The following TREML1 variants were observed in gnomAD, a reference collection of about 807,000 sequenced individuals.
TREML1 encodes trem-like transcript 1 protein.
TREML1 carries 27 observed loss-of-function variants against 22.8 expected under a neutral mutation model. The ratio of observed to expected loss-of-function variants is 1.19; its 90% CI spans 0.87 to 1.64. TREML1 has a LOEUF of 1.64. Among genes scored for constraint, TREML1 ranks in the 40% most tolerant of loss-of-function variants. The probability of loss-of-function intolerance (pLI) is 0.00; values close to 1 mark genes in which losing one functional copy is unlikely to be tolerated. For missense variants in TREML1, 356 were observed against 382.0 expected, an observed-to-expected ratio of 0.93 and a Z score of 0.57; for synonymous variants, 153 against 161.9, an observed-to-expected ratio of 0.94 and a Z score of 0.42.
intron 2 of TREML1, among the ~76,000 whole-genome samples, chr6:41,152,286 C>T (rs934807483): frequency 2.0e-5 from 3 of 152,168 alleles, no homozygotes; most frequent in Non-Finnish European, 4.4e-5. Flanking sequence ...CTGGATGCTA[C>T]GCGCCACCTG....
At chr6:41,154,122 C>T (rs1214637340) in intron 1 of TREML1, 32 bp from the exon 2 acceptor site, 1 of 1,599,770 alleles carries the variant, frequency 6.3e-7, no homozygotes, top group East Asian at 2.2e-5. Flanking sequence ...GAATTTTGGG[C>T]AGGAGCTGGG....
chr6:41,151,717 G>A (rs1765256874), intron 2 of TREML1: 1 of 298,882 alleles, frequency 3.3e-6, no homozygotes, highest in Non-Finnish European at 6.5e-6. Flanking sequence ...AAGCTGTTAA[G>A]TCTGTGTAAA....
intron 4 of TREML1, 60 bp downstream of exon 4, chr6:41,150,758 TG>T: frequency 6.7e-7 from 1 of 1,499,086 alleles, no homozygotes; most frequent in Non-Finnish European, 9.3e-7. Context: ...TGGCCTCATC[TG>T]CACAACTGGT....
upstream of TREML1, among the ~76,000 whole-genome samples, chr6:41,155,277 G>A (rs1164523535): frequency 6.6e-6 from 1 of 152,066 alleles, no homozygotes; most frequent in African/African-American, 2.4e-5. Flanking sequence ...TTTTGCTGAA[G>A]GGTGATTGAA....
upstream of TREML1, among the ~76,000 whole-genome samples, chr6:41,155,214 A>C (rs540484298): frequency 5.9e-5 from 9 of 152,246 alleles, no homozygotes; most frequent in East Asian, 1.5e-3. Context: ...CTTCACAAAT[A>C]TTTTCACATT....
chr6:41,150,689 G>C, intron 4 of TREML1, 130 bp downstream of exon 4: 2 of 773,512 alleles, frequency 2.6e-6, no homozygotes, highest in Non-Finnish European at 4.4e-6. Flanking sequence ...CTAGGATATG[G>C]GGGCCTTGAG....
rs1476457931 is a variant in TREML1 at position 41,153,916 on chromosome 6, G to T, written c.218C>A (p.Ala73Glu). 9.3e-6 allele frequency: 15 copies of T among 1,614,052 alleles called. No homozygotes were observed. Among genetic ancestry groups the T allele is most frequent in the Non-Finnish European group, 1.1e-5 (13 of 1,180,048 alleles). Residue 73 changes from alanine (A) to glutamate (E), a missense_variant, in exon 2 of 6, where the codon GCG becomes GAG. Physicochemically the swap from Ala to Glu is moderately radical, Grantham distance 107. Coordinates refer to ENST00000426005, the MANE Select transcript of TREML1 (RefSeq NM_178174.4). ...GTCTGTGAGAAACGTACGCCTGCCC[G>T]CTGGAGCTCTGCGATCCACAGCTGA... ...VSSAVDRRAP[A>E]GRRTFLTDLG...
At chr6:41,153,561 G>C (rs767348090) in intron 2 of TREML1, among the ~76,000 whole-genome samples, 197 bp downstream of exon 2, 3 of 152,094 alleles carry the variant, frequency 2.0e-5, no homozygotes, top group African/African-American at 4.8e-5. Flanking sequence ...AAGGGGGAAA[G>C]GGATGGTTTT....
At chr6:41,150,990 A>G in intron 3 of TREML1, 83 bp from the exon 4 acceptor site, 2 of 1,197,586 alleles carry the variant, frequency 1.7e-6, no homozygotes, top group Non-Finnish European at 2.5e-6. Context: ...CAGTGACAGA[A>G]GGGTTACATT....
chr6:41,150,463 C>A, intron 4 of TREML1, 150 bp from the exon 5 acceptor site: 1 of 729,262 alleles, frequency 1.4e-6, no homozygotes, highest in Non-Finnish European at 2.2e-6. Context: ...CCCCTTCCAT[C>A]TCCCCAGCCT....
intron 4 of TREML1, 54 bp from the exon 5 acceptor site, chr6:41,150,367 C>CGGAA: frequency 6.4e-7 from 1 of 1,566,844 alleles, no homozygotes; most frequent in Non-Finnish European, 8.7e-7. Flanking sequence ...GCTCAGAGCC[C>CGGAA]TTCCCTCACT....
intron 5 of TREML1, 99 bp downstream of exon 5, chr6:41,150,162 C>T (rs1765207243): frequency 1.5e-6 from 2 of 1,374,152 alleles, no homozygotes; most frequent in South Asian, 2.5e-5. Flanking sequence ...CCAACTAGGT[C>T]CCAGTCCTTT....
Position 41,149,403 on chromosome 6 carries a change from G to A in TREML1, c.*201C>T. ...TGTAATGGTAGAAGAACCAGTGGGG[G>A]AGTTGGGTGCAGGGAGGTCTTCCCC... On this transcript the variant is annotated 3_prime_UTR_variant, in exon 6 of 6. Transcript: ENST00000426005. 1.8e-6 allele frequency: 1 copy of A among 565,594 alleles called. No homozygotes were observed. The highest frequency in any genetic ancestry group is 3.1e-6 in the Non-Finnish European group (1 of 320,850). 35.0% of individuals were successfully genotyped at this position (565,594 alleles called of 1,614,324 possible). A position where few individuals can be genotyped will look rare whatever the true frequency, so the allele number is the denominator to read the frequency against.
chr6:41,153,855 G>A lies in TREML1; in HGVS notation c.279C>T (p.Thr93=), dbSNP rs140884277. The A allele has an allele frequency of 8.7e-5, 140 of 1,614,188 alleles. No homozygotes were observed. In the African/African-American group the frequency reaches 1.5e-3, roughly 17 times the overall value. The stretch of plus-strand genomic sequence containing the variant: ...ACTCGCCAGCATCCTCTTCCTGCAG[G>A]GTAACCATTTCCACCTGCAGCAGGC... ...GGGLLQVEMV[T]LQEEDAGEYG... Residue 93 remains threonine, a synonymous_variant, in exon 2 of 6, where the codon ACC becomes ACT. Transcript: ENST00000426005.
At chr6:41,150,363 A>C (rs749642502) in intron 4 of TREML1, 50 bp from the exon 5 acceptor site, 4 of 1,588,678 alleles carry the variant, frequency 2.5e-6, no homozygotes, top group Non-Finnish European at 2.6e-6. Flanking sequence ...GCTGGCTCAG[A>C]GCCCTTCCCT....
upstream of TREML1, among the ~76,000 whole-genome samples, chr6:41,155,375 TTCTCTCTC>T (rs3049085): frequency 4.4e-5 from 6 of 136,726 alleles, no homozygotes; most frequent in Non-Finnish European, 6.1e-5. Flanking sequence ...GAGTAAACGT[TTCTCTCTC>T]TCTCTCTCTC....
At chr6:41,150,762 C>T in intron 4 of TREML1, 57 bp downstream of exon 4, 2 of 1,523,688 alleles carry the variant, frequency 1.3e-6, no homozygotes, top group Non-Finnish European at 1.8e-6. Flanking sequence ...CTCATCTGCA[C>T]AACTGGTTGA....
chr6:41,151,619 A>G (rs1000509886), intron 2 of TREML1: 2 of 528,016 alleles, frequency 3.8e-6, no homozygotes, highest in African/African-American at 3.8e-5. Flanking sequence ...GACTACACCC[A>G]CTTTTCCCTC....
chr6:41,151,171 AG>A, intron 3 of TREML1, 110 bp downstream of exon 3: 1 of 977,802 alleles, frequency 1.0e-6, no homozygotes, highest in East Asian at 2.4e-5. Context: ...AGTTCCCCAG[AG>A]GTGGGAAGAA....
Sources: allele counts gnomAD v4.1 joint callset (sites outside exome capture counted in the v4.1 genomes callset), GRCh38; gene constraint gnomAD v4.1.1; transcripts MANE v1.5; gene names NCBI Gene and HGNC (gene_info 2026-07-23, HGNC 2026-07-21).